SNX29: variants seen among roughly 807,000 people sequenced by gnomAD.
SNX29 encodes sorting nexin 29.
In SNX29, 78 loss-of-function variants were observed where a neutral mutation model predicts 102.1. That is an observed-to-expected ratio of 0.76 (90% CI 0.64 to 0.92). The LOEUF (loss-of-function observed/expected upper bound fraction) is 0.92. Ranked by LOEUF, SNX29 falls within the 40% of genes least tolerant of loss-of-function variation. The pLI, the probability that SNX29 is intolerant of heterozygous loss-of-function variation, is 0.00. For synonymous variants in SNX29, 580 were observed against 414.5 expected (o/e 1.40, Z -4.85); for missense variants, 1,280 against 1,061.7 (o/e 1.21, Z -2.86).
intron 15 of SNX29, among the ~76,000 whole-genome samples, chr16:12,285,620 C>G (rs974555242): frequency 2.0e-4 from 30 of 152,090 alleles, no homozygotes; most frequent in African/African-American, 6.3e-4. Flanking sequence ...GTAAAAATTC[C>G]GGAAGCAGCC....
intron 14 of SNX29, among the ~76,000 whole-genome samples, chr16:12,254,434 G>T (rs2078509157): frequency 6.6e-6 from 1 of 152,114 alleles, no homozygotes. Context: ...CAGATCACTT[G>T]GGGTCAGGAG....
At chr16:12,485,509 GT>G (rs1009240144) in intron 19 of SNX29, among the ~76,000 whole-genome samples, 1 of 152,198 alleles carries the variant, frequency 6.6e-6, no homozygotes, top group African/African-American at 2.4e-5. Context: ...ATACACCCGT[GT>G]GTGGTAGAGG....
intron 20 of SNX29, among the ~76,000 whole-genome samples, chr16:12,540,862 G>C (rs575982638): frequency 1.3e-5 from 2 of 152,340 alleles, no homozygotes; most frequent in South Asian, 4.1e-4. Flanking sequence ...CTGAGCAGGA[G>C]TGCCCTTTTC....
At chr16:12,027,527 AG>A in intron 4 of SNX29, 83 bp downstream of exon 4, 1 of 1,546,906 alleles carries the variant, frequency 6.5e-7, no homozygotes. Flanking sequence ...AATAGTGGGC[AG>A]GGCAGTGATC....
chr16:12,038,530 C>T (rs1169201908), intron 4 of SNX29, among the ~76,000 whole-genome samples: 1 of 152,208 alleles, frequency 6.6e-6, no homozygotes, highest in Non-Finnish European at 1.5e-5. Flanking sequence ...CAGTGTATAT[C>T]CCTAAATTAA....
intron 16 of SNX29, among the ~76,000 whole-genome samples, chr16:12,364,100 C>A (rs1300283390): frequency 6.6e-6 from 1 of 152,118 alleles, no homozygotes; most frequent in Admixed American, 6.5e-5. Flanking sequence ...TTAAGCAATC[C>A]TCCTGCCTCA....
At chr16:12,476,414 ATATAT>A (rs2087632443) in intron 18 of SNX29, among the ~76,000 whole-genome samples, 1 of 9,718 alleles carries the variant, frequency 1.0e-4, no homozygotes, top group Non-Finnish European at 1.6e-4. Context: ...ATATATATAC[ATATAT>A]ATATATATAT....
At position 12,098,782 on chromosome 16, in the gene SNX29, T is replaced by G. The variant is rs1414745433; in HGVS notation, c.1402+19867T>G. ...CTTTGAACCTGTGGGAAGGTGGGCT[T>G]ACAAAACCTCGTCCCTGAGTCTAAC... is the stretch of plus-strand genomic sequence containing the variant. On this transcript the variant is annotated intron_variant, in intron 11 of 20. Transcript: ENST00000566228. The surrounding 1 kb of genome is among the most constrained non-coding windows in gnomAD (Gnocchi z 6.0). Among the ~76,000 whole-genome samples, 1 of 152,198 alleles carries G rather than the reference T, an allele frequency of 6.6e-6. No homozygotes were observed. Among genetic ancestry groups the G allele is most frequent in the East Asian group, 1.9e-4 (1 of 5,194 alleles).
At chr16:12,517,687 G>GT (rs1374419241) in intron 19 of SNX29, among the ~76,000 whole-genome samples, 5 of 152,202 alleles carry the variant, frequency 3.3e-5, no homozygotes, top group Admixed American at 3.3e-4. Context: ...GCCTGCCTTG[G>GT]TGGAATTACC....
At chr16:12,037,260 C>T (rs1031190721) in intron 4 of SNX29, among the ~76,000 whole-genome samples, 3 of 152,160 alleles carry the variant, frequency 2.0e-5, no homozygotes, top group African/African-American at 7.2e-5. Flanking sequence ...GTTCCAGGAA[C>T]ACCATGCTTA....
chr16:12,568,817 C>A lies in SNX29; in HGVS notation c.*188C>A. The A allele has an allele frequency of 1.1e-6, 1 of 910,632 alleles. No individual in the cohort carries two copies. Among genetic ancestry groups the A allele is most frequent in the Non-Finnish European group, 1.6e-6 (1 of 622,960 alleles). 56.4% of individuals were successfully genotyped at this position (910,632 alleles called of 1,614,324 possible). A position where few individuals can be genotyped will look rare whatever the true frequency, so the allele number is the denominator to read the frequency against. On this transcript the variant is annotated 3_prime_UTR_variant, in exon 21 of 21. Coordinates refer to ENST00000566228, the MANE Select transcript of SNX29 (RefSeq NM_032167.5). ...GTCTTCGAGCCGCATGATACCGTGA[C>A]CCGAGAGACCAAGGCAGCACCTCGC...
chr16:12,270,620 T>C (rs1161704167), intron 14 of SNX29, among the ~76,000 whole-genome samples: 1 of 152,234 alleles, frequency 6.6e-6, no homozygotes, highest in African/African-American at 2.4e-5. Context: ...TATTAATCCT[T>C]ATGCTGTGGA....
chr16:12,281,001 C>T (rs573203459), intron 15 of SNX29, among the ~76,000 whole-genome samples: 207 of 152,256 alleles, frequency 1.4e-3, no homozygotes, highest in South Asian at 3.1e-3. Flanking sequence ...TCAACCTCCC[C>T]GGCTCAACGG....
chr16:12,090,196 G>A (rs929630553), intron 11 of SNX29: 4 of 152,726 alleles, frequency 2.6e-5, no homozygotes, highest in African/African-American at 9.6e-5. Flanking sequence ...GTGAAATGAG[G>A]ACATTCTCAC....
intron 18 of SNX29, among the ~76,000 whole-genome samples, chr16:12,461,021 A>G (rs2086756673): frequency 1.3e-5 from 2 of 152,228 alleles, no homozygotes; most frequent in Admixed American, 6.5e-5. Flanking sequence ...AATGTTAAGC[A>G]AAGTAGTTGA....
intron 16 of SNX29, among the ~76,000 whole-genome samples, chr16:12,379,889 G>A (rs1300415995): frequency 6.6e-6 from 1 of 152,140 alleles, no homozygotes; most frequent in Non-Finnish European, 1.5e-5. Context: ...GCACTGGTGT[G>A]TGTGTTTGGG....
chr16:12,549,473 C>T (rs538635182), intron 20 of SNX29, among the ~76,000 whole-genome samples: 3 of 142,818 alleles, frequency 2.1e-5, no homozygotes, highest in South Asian at 4.7e-4. Flanking sequence ...CCAGCGTGGG[C>T]AACAGGAAGA....
chr16:12,561,072 G>C, intron 20 of SNX29: 1 of 224,920 alleles, frequency 4.4e-6, no homozygotes, highest in Non-Finnish European at 8.9e-6. Flanking sequence ...AGGCCTTGAT[G>C]GATGTCAGCA....
chr16:12,258,824 C>T (rs749675875), intron 14 of SNX29, among the ~76,000 whole-genome samples: 5 of 152,214 alleles, frequency 3.3e-5, no homozygotes, highest in Admixed American at 6.5e-5. Flanking sequence ...GTGTGGAGAG[C>T]GTTGTTATTT....
Sources: gnomAD v4.1 joint callset for allele counts (sites outside exome capture counted in the v4.1 genomes callset) on GRCh38, gnomAD v4.1.1 for gene constraint, Gnocchi (gnomAD v3.1) non-coding constraint, MANE v1.5 for transcripts, NCBI Gene and HGNC (gene_info 2026-07-23, HGNC 2026-07-21) for gene names.